Variants in TICAM2 observed in about 807,000 individuals in gnomAD.
TICAM2 encodes TIR domain containing adaptor molecule 2.
TICAM2 carries 8 observed loss-of-function variants against 7.3 expected under a neutral mutation model. The ratio of observed to expected loss-of-function variants is 1.10; its 90% confidence interval spans 0.65 to 1.99. The LOEUF is 1.99. Ranked by LOEUF, TICAM2 falls within the 30% of genes most tolerant of loss-of-function variation. TICAM2 has a pLI of 0.00. For synonymous variants in TICAM2, 113 were observed against 99.6 expected (o/e 1.13, Z -0.80); for missense variants, 304 against 278.8 (o/e 1.09, Z -0.65).
chr5:115,580,170 T>A lies in TICAM2; in HGVS notation c.*379A>T, dbSNP rs181103068. On this transcript the variant is annotated 3_prime_UTR_variant, in exon 2 of 2. Transcript: ENST00000427199. ...GTGTGATCAGATCTCCTGGGGCCAT[T>A]TTTTTTCTGTGTCCTTTGAGATCAA... is the stretch of plus-strand genomic sequence containing the variant. The A allele has an allele frequency of 6.0e-6, 1 of 166,414 alleles. No homozygotes were observed. The highest frequency in any genetic ancestry group is 1.8e-4 in the East Asian group (1 of 5,482). 10.3% of individuals were successfully genotyped at this position (166,414 alleles called of 1,614,324 possible). A position where few individuals can be genotyped will look rare whatever the true frequency, so the allele number is the denominator to read the frequency against.
At chr5:115,590,094 T>C (rs1755246590) in intron 1 of TICAM2, among the ~76,000 whole-genome samples, 1 of 152,172 alleles carries the variant, frequency 6.6e-6, no homozygotes. Flanking sequence ...ATGTCTGTAA[T>C]CCCAATACTT....
intron 1 of TICAM2, among the ~76,000 whole-genome samples, chr5:115,596,384 T>C (rs1033681942): frequency 6.6e-6 from 1 of 152,210 alleles, no homozygotes; most frequent in African/African-American, 2.4e-5. Flanking sequence ...AATTTCTTGA[T>C]ATGACAAATA....
At chr5:115,598,407 G>A (rs1303171980) in intron 1 of TICAM2, among the ~76,000 whole-genome samples, 2 of 152,166 alleles carry the variant, frequency 1.3e-5, no homozygotes, top group Non-Finnish European at 2.9e-5. Context: ...CTCTTCTTAA[G>A]TACCAAAGGA....
chr5:115,595,244 C>T (rs528371503), intron 1 of TICAM2, among the ~76,000 whole-genome samples: 1 of 152,282 alleles, frequency 6.6e-6, no homozygotes, highest in Non-Finnish European at 1.5e-5. Flanking sequence ...CTTTCCTCCT[C>T]AATCTTCTCT....
At chr5:115,596,913 C>T (rs1218223431) in intron 1 of TICAM2, among the ~76,000 whole-genome samples, 3 of 151,978 alleles carry the variant, frequency 2.0e-5, no homozygotes, top group Admixed American at 6.6e-5. Flanking sequence ...AGTGAGACTC[C>T]GTCTCAAAAA....
At position 115,579,523 on chromosome 5, in the gene TICAM2, G is replaced by C. The variant is rs1253309516; in HGVS notation, c.*1026C>G. The C allele has an allele frequency of 1.3e-5, 2 of 152,220 alleles. No homozygotes were observed. Among genetic ancestry groups the C allele is most frequent in the African/African-American group, 4.8e-5 (2 of 41,452 alleles). 9.4% of individuals were successfully genotyped at this position (152,220 alleles called of 1,614,324 possible). A position where few individuals can be genotyped will look rare whatever the true frequency, so the allele number is the denominator to read the frequency against. On this transcript the variant is annotated 3_prime_UTR_variant, in exon 2 of 2. Transcript: ENST00000427199. ...CTCCCTCAATCTCAGATGGGCAGAA[G>C]GGCTGTGGAGGAAAGAAACAATCCT...
chr5:115,596,704 G>T (rs1755524370), intron 1 of TICAM2, among the ~76,000 whole-genome samples: 1 of 152,192 alleles, frequency 6.6e-6, no homozygotes, highest in South Asian at 2.1e-4. Context: ...TGGATCATGA[G>T]GTCAGGAGAT....
chr5:115,593,777 A>G (rs952333173), intron 1 of TICAM2, among the ~76,000 whole-genome samples: 1 of 152,230 alleles, frequency 6.6e-6, no homozygotes, highest in African/African-American at 2.4e-5. Context: ...CTTACTATAA[A>G]GTTACAACAG....
At position 115,599,439 on chromosome 5, in the gene TICAM2, C is replaced by T. The variant is rs73254587; in HGVS notation, c.-60+2658G>A. Among the ~76,000 whole-genome samples the T allele has an allele frequency of 8.8e-3, 1,336 of 152,230 alleles. 15 individuals are homozygous for T. Among genetic ancestry groups the T allele is most frequent in the African/African-American group, 0.031 (1,272 of 41,530 alleles). Reference sequence around the variant, plus strand: ...GAAGAGATTTTATAAAAACATAGAACTTAAAGGCAAACTGTCCATCTTATC... The same window carrying T: ...GAAGAGATTTTATAAAAACATAGAATTTAAAGGCAAACTGTCCATCTTATC... On this transcript the variant is annotated intron_variant, in intron 1 of 1. Transcript: ENST00000427199.
At chr5:115,588,872 C>T (rs180946204) in intron 1 of TICAM2, among the ~76,000 whole-genome samples, 1 of 152,136 alleles carries the variant, frequency 6.6e-6, no homozygotes, top group Admixed American at 6.5e-5. Context: ...ATGCCAAAAG[C>T]CCCAGGCCAG....
intron 1 of TICAM2, 89 bp from the exon 2 acceptor site, chr5:115,581,404 AG>A: frequency 7.3e-7 from 1 of 1,375,956 alleles, no homozygotes; most frequent in Admixed American, 2.4e-5. Flanking sequence ...AAGCTCAAAA[AG>A]ATTATAATAG....
At chr5:115,593,334 TATA>T (rs137862554) in intron 1 of TICAM2, among the ~76,000 whole-genome samples, 2,276 of 152,130 alleles carry the variant, frequency 0.015, 35 homozygotes, top group African/African-American at 0.046. Context: ...AGAAAATGGA[TATA>T]ATAAGATCAA....
At chr5:115,595,240 T>G (rs1265634401) in intron 1 of TICAM2, among the ~76,000 whole-genome samples, 1 of 152,142 alleles carries the variant, frequency 6.6e-6, no homozygotes, top group Non-Finnish European at 1.5e-5. Context: ...CAATCTTTCC[T>G]CCTCAATCTT....
At chr5:115,582,877 A>C (rs1018962660) in intron 1 of TICAM2, among the ~76,000 whole-genome samples, 6 of 75,558 alleles carry the variant, frequency 7.9e-5, no homozygotes, top group Non-Finnish European at 1.4e-4. Flanking sequence ...ACAAAAACCA[A>C]GGAAAAAAAC....
chr5:115,598,323 T>C (rs1423503860), intron 1 of TICAM2, among the ~76,000 whole-genome samples: 1 of 152,210 alleles, frequency 6.6e-6, no homozygotes, highest in Non-Finnish European at 1.5e-5. Flanking sequence ...CTATTTCATC[T>C]GTTTTTTATT....
intron 1 of TICAM2, among the ~76,000 whole-genome samples, chr5:115,592,590 G>GA (rs1340388704): frequency 1.3e-5 from 2 of 151,674 alleles, no homozygotes; most frequent in Admixed American, 1.3e-4. Flanking sequence ...AATATGTAAA[G>GA]AAAAAAATAA....
chr5:115,591,914 G>C (rs1482768419), intron 1 of TICAM2, among the ~76,000 whole-genome samples: 1 of 151,996 alleles, frequency 6.6e-6, no homozygotes, highest in Admixed American at 6.6e-5. Flanking sequence ...AAAAACATCA[G>C]ATCACACATT....
In TICAM2 at chr5:115,580,690, G is replaced by A; in HGVS notation, c.567C>T (p.Leu189=). Residue 189 remains leucine, a synonymous_variant, in exon 2 of 2, where the codon CTC becomes CTT. Transcript: ENST00000427199. The part of the protein sequence containing the change: ...PLPRERTPFA[L]QTINALEEES... ...CTTCCTCTAAGGCATTGATGGTTTG[G>A]AGGGCAAAGGGAGTCCTTTCTCGGG... The A allele has an allele frequency of 8.2e-6, 13 of 1,593,608 alleles. No individual in the cohort carries two copies. The highest frequency in any genetic ancestry group is 1.1e-5 in the Non-Finnish European group (13 of 1,172,678).
At position 115,579,099 on chromosome 5, in the gene TICAM2, A is replaced by T. The variant is rs1415340372; in HGVS notation, c.*1450T>A. 1 of 152,706 alleles carries T rather than the reference A, an allele frequency of 6.5e-6. No homozygotes were observed. The highest frequency in any genetic ancestry group is 2.4e-5 in the African/African-American group (1 of 41,478). The allele number at this position is 152,706 out of a possible 1,614,324, so 9.5% of individuals were successfully genotyped here. A position where few individuals can be genotyped will look rare whatever the true frequency, so the allele number is the denominator to read the frequency against. On this transcript the variant is annotated 3_prime_UTR_variant, in exon 2 of 2. Coordinates refer to ENST00000427199, the MANE Select transcript of TICAM2 (RefSeq NM_021649.7). ...AAAAATTTATTTTTAAGAAAGCCTGAGTAAGCATGTATATTTTTTTCCTGT... is the reference window on the plus strand; with the variant it reads ...AAAAATTTATTTTTAAGAAAGCCTGTGTAAGCATGTATATTTTTTTCCTGT...
Sources: allele counts gnomAD v4.1 joint callset (sites outside exome capture counted in the v4.1 genomes callset), GRCh38; gene constraint gnomAD v4.1.1; transcripts MANE v1.5; gene names NCBI Gene and HGNC (gene_info 2026-07-23, HGNC 2026-07-21).